CSMD3: variants seen among roughly 807,000 people sequenced by gnomAD.
The protein encoded by CSMD3 is CUB and sushi domain-containing protein 3.
A neutral mutation model predicts 435.2 loss-of-function variants in CSMD3; 177 were observed. The ratio of observed to expected loss-of-function variants is 0.41; its 90% CI spans 0.36 to 0.46. The LOEUF is 0.46. Ranked by LOEUF, CSMD3 falls within the 20% of genes least tolerant of loss-of-function variation. The pLI, the probability that CSMD3 is intolerant of heterozygous loss-of-function variation, is 0.34. For synonymous variants in CSMD3, 1,656 were observed against 1,520.5 expected, an observed-to-expected ratio of 1.09 and a Z score of -2.07; for missense variants, 4,265 against 4,504.6, an observed-to-expected ratio of 0.95 and a Z score of 1.52.
intron 3 of CSMD3, among the ~76,000 whole-genome samples, chr8:113,221,657 A>C (rs2092968108): frequency 6.6e-6 from 1 of 151,196 alleles, no homozygotes; most frequent in Non-Finnish European, 1.5e-5. Flanking sequence ...AGTTTTAGCA[A>C]GCAAAATACT....
intron 13 of CSMD3, among the ~76,000 whole-genome samples, chr8:112,749,392 G>A (rs2077515089): frequency 6.6e-6 from 1 of 152,074 alleles, no homozygotes; most frequent in African/African-American, 2.4e-5. Flanking sequence ...TGCTTTTGGT[G>A]TCTTTGTCAT....
chr8:113,210,630 C>A (rs568825508), intron 3 of CSMD3, among the ~76,000 whole-genome samples: 35 of 152,132 alleles, frequency 2.3e-4, no homozygotes, highest in Non-Finnish European at 4.7e-4. Flanking sequence ...GTAATCACAG[C>A]ACTTTGGGAG....
At chr8:112,425,724 T>G (rs1332187633) in intron 32 of CSMD3, among the ~76,000 whole-genome samples, 1 of 152,160 alleles carries the variant, frequency 6.6e-6, no homozygotes, top group Non-Finnish European at 1.5e-5. Flanking sequence ...AAAACTATTT[T>G]CATGAATAAT....
intron 69 of CSMD3, among the ~76,000 whole-genome samples, chr8:112,230,496 A>C (rs1281986153): frequency 6.6e-6 from 1 of 152,160 alleles, no homozygotes; most frequent in Non-Finnish European, 1.5e-5. Context: ...TTTTTTAAAA[A>C]GTTCATTTTT....
chr8:113,362,643 T>C (rs1367213938), intron 1 of CSMD3, among the ~76,000 whole-genome samples: 2 of 152,166 alleles, frequency 1.3e-5, no homozygotes, highest in Non-Finnish European at 2.9e-5. Context: ...CCTGTTCCCT[T>C]TTCTCAGTTT....
chr8:112,741,943 TG>T (rs2077321820), intron 13 of CSMD3, among the ~76,000 whole-genome samples: 1 of 151,284 alleles, frequency 6.6e-6, no homozygotes, highest in Non-Finnish European at 1.5e-5. Context: ...TGTTGAAGAG[TG>T]GTCTTCAAGC....
At chr8:112,963,112 A>G (rs1486699041) in intron 7 of CSMD3, among the ~76,000 whole-genome samples, 1 of 151,960 alleles carries the variant, frequency 6.6e-6, no homozygotes, top group Non-Finnish European at 1.5e-5. Flanking sequence ...TTTATTCCAC[A>G]GGATTCCTCA....
At chr8:112,744,251 A>G (rs970807078) in intron 13 of CSMD3, among the ~76,000 whole-genome samples, 4 of 152,118 alleles carry the variant, frequency 2.6e-5, no homozygotes, top group African/African-American at 9.7e-5. Context: ...AAGAACTTCT[A>G]CATCAGAAAG....
intron 61 of CSMD3, among the ~76,000 whole-genome samples, chr8:112,262,801 G>A (rs1554620558): frequency 6.6e-6 from 1 of 152,078 alleles, no homozygotes; most frequent in African/African-American, 2.4e-5. Flanking sequence ...GAAATCAGAG[G>A]AATACAAGAA....
intron 12 of CSMD3, among the ~76,000 whole-genome samples, chr8:112,813,215 G>T (rs1173160711): frequency 4.6e-5 from 7 of 152,162 alleles, no homozygotes; most frequent in Non-Finnish European, 8.8e-5. Flanking sequence ...AGCTCCCACA[G>T]CATGGAAGGG....
intron 6 of CSMD3, among the ~76,000 whole-genome samples, chr8:113,015,525 A>C (rs1488546386): frequency 6.6e-6 from 1 of 151,954 alleles, no homozygotes; most frequent in Non-Finnish European, 1.5e-5. Context: ...TCATATATTT[A>C]CATATTTAAA....
chr8:112,801,940 T>G (rs1440430521), intron 12 of CSMD3, among the ~76,000 whole-genome samples: 1 of 151,972 alleles, frequency 6.6e-6, no homozygotes, highest in Non-Finnish European at 1.5e-5. Flanking sequence ...CCTATAACAT[T>G]CATAATCCTG....
intron 2 of CSMD3, among the ~76,000 whole-genome samples, chr8:113,300,169 A>AT (rs2093754202): frequency 6.9e-6 from 1 of 145,814 alleles, no homozygotes; most frequent in African/African-American, 2.7e-5. Flanking sequence ...AGTCAAAAAA[A>AT]AAAAAAAAAC....
intron 1 of CSMD3, among the ~76,000 whole-genome samples, chr8:113,390,502 T>TTTAA (rs1230400513): frequency 2.6e-5 from 4 of 151,886 alleles, no homozygotes; most frequent in African/African-American, 4.8e-5. Context: ...ACATCACATT[T>TTTAA]TTAATTAATT....
intron 3 of CSMD3, among the ~76,000 whole-genome samples, chr8:113,240,844 T>G (rs117328495): frequency 6.6e-6 from 1 of 152,116 alleles, no homozygotes; most frequent in Admixed American, 6.6e-5. Flanking sequence ...TGCTCTGTAG[T>G]AAGATAAAAT....
rs766710719 is a variant in CSMD3, at chr8:112,287,129, T to C, written c.9266A>G (p.His3089Arg). The C allele has an allele frequency of 1.1e-5, 17 of 1,613,700 alleles. No individual in the cohort carries two copies. Among genetic ancestry groups the C allele is most frequent in the South Asian group, 8.8e-5 (8 of 91,090 alleles). Residue 3089 changes from histidine (H) to arginine (R), a missense_variant, in exon 58 of 71, where the codon CAT becomes CGT. His to Arg is a conservative substitution (Grantham distance 29, BLOSUM62 0). Around this residue, in one of 3 missense-constraint regions of CSMD3, gnomAD observed 3,255 missense variants for 3,380.2 expected, o/e 0.96. Transcript: ENST00000297405. ...TAAACATGTTCTTTCTTCTGAGCCA[T>C]GAAGGATGTAACCAGTATCACAAGC... Reference protein sequence around the residue: ...RYACDTGYILHGSEERTCLAN... With the variant: ...RYACDTGYILRGSEERTCLAN...
chr8:112,970,441 T>C (rs1587792849), intron 7 of CSMD3, among the ~76,000 whole-genome samples: 1 of 148,982 alleles, frequency 6.7e-6, no homozygotes, highest in Non-Finnish European at 1.5e-5. Context: ...AGAGATCTTA[T>C]AGCTAAGGCA....
At chr8:113,253,220 CA>C (rs112762572) in intron 3 of CSMD3, among the ~76,000 whole-genome samples, 16,593 of 150,328 alleles carry the variant, frequency 0.11, 994 homozygotes, top group Middle Eastern at 0.17. Flanking sequence ...AGTTAGCTGA[CA>C]AAAAAAAACT....
At chr8:112,938,616 C>G (rs2083357224) in intron 9 of CSMD3, among the ~76,000 whole-genome samples, 1 of 152,076 alleles carries the variant, frequency 6.6e-6, no homozygotes, top group Non-Finnish European at 1.5e-5. Flanking sequence ...TATTAAGCAA[C>G]TAGTAAGTTA....
Sources: gnomAD v4.1 joint callset for allele counts (sites outside exome capture counted in the v4.1 genomes callset) on GRCh38, gnomAD v4.1.1 for gene constraint, gnomAD v4.1.1 regional missense constraint, MANE v1.5 for transcripts, NCBI Gene and HGNC (gene_info 2026-07-23, HGNC 2026-07-21) for gene names.